Variants in PTGFR observed in about 807,000 individuals in gnomAD.
PTGFR encodes the protein prostaglandin F receptor.
In PTGFR, 15 loss-of-function variants were observed where a neutral mutation model predicts 26.2. That is an observed-to-expected ratio of 0.57 (90% confidence interval 0.38 to 0.88). The LOEUF (loss-of-function observed/expected upper bound fraction) is 0.88. Ranked by LOEUF, PTGFR falls within the 40% of genes least tolerant of loss-of-function variation. The probability of loss-of-function intolerance (pLI) is 0.00; values close to 1 mark genes in which losing one functional copy is unlikely to be tolerated. For missense variants in PTGFR, 369 were observed against 427.2 expected (o/e 0.86, Z 1.20); for synonymous variants, 165 against 151.1 (o/e 1.09, Z -0.68).
intron 2 of PTGFR, among the ~76,000 whole-genome samples, chr1:78,507,929 C>A (rs1463132270): frequency 6.6e-6 from 1 of 152,150 alleles, no homozygotes; most frequent in Non-Finnish European, 1.5e-5. Context: ...AAAGACCTTG[C>A]TGACTTTATT....
At chr1:78,510,096 C>A (rs1649928775) in intron 2 of PTGFR, among the ~76,000 whole-genome samples, 1 of 152,156 alleles carries the variant, frequency 6.6e-6, no homozygotes, top group South Asian at 2.1e-4. Flanking sequence ...CACAGTGATG[C>A]CTCTGAAAGA....
At chr1:78,527,462 G>C (rs1170897233) in intron 2 of PTGFR, among the ~76,000 whole-genome samples, 3 of 151,914 alleles carry the variant, frequency 2.0e-5, no homozygotes, top group Non-Finnish European at 4.4e-5. Flanking sequence ...GGGAAGTAAT[G>C]ATTAATGAAG....
chr1:78,496,502 A>T (rs1649555841), intron 2 of PTGFR, among the ~76,000 whole-genome samples: 1 of 152,098 alleles, frequency 6.6e-6, no homozygotes, highest in Non-Finnish European at 1.5e-5. Context: ...TTGAATGAAC[A>T]TCTGCACACA....
At chr1:78,514,844 A>G (rs938111423) in intron 2 of PTGFR, among the ~76,000 whole-genome samples, 4 of 152,052 alleles carry the variant, frequency 2.6e-5, no homozygotes, top group African/African-American at 9.7e-5. Flanking sequence ...CCGGTTGTTT[A>G]AAGAGTCTGG....
chr1:78,518,335 A>G (rs1281530030), intron 2 of PTGFR, among the ~76,000 whole-genome samples: 1 of 151,400 alleles, frequency 6.6e-6, no homozygotes, highest in Non-Finnish European at 1.5e-5. Flanking sequence ...ATGTATCTAC[A>G]TTTTTCTTTT....
At chr1:78,534,681 C>G (rs540040865) in intron 2 of PTGFR, among the ~76,000 whole-genome samples, 8 of 149,406 alleles carry the variant, frequency 5.4e-5, no homozygotes, top group Non-Finnish European at 1.0e-4. Flanking sequence ...TTTCTATGAA[C>G]AAAATTACAT....
chr1:78,533,300 T>A (rs1650566905), intron 2 of PTGFR, among the ~76,000 whole-genome samples: 1 of 152,180 alleles, frequency 6.6e-6, no homozygotes, highest in South Asian at 2.1e-4. Flanking sequence ...CTCATACAGC[T>A]CAAATGGAAA....
chr1:78,513,920 T>C (rs1650031293), intron 2 of PTGFR, among the ~76,000 whole-genome samples: 1 of 152,246 alleles, frequency 6.6e-6, no homozygotes, highest in African/African-American at 2.4e-5. Flanking sequence ...ATCTTCCGTA[T>C]GGTGTTAAGC....
chr1:78,492,819 A>G lies in PTGFR; in HGVS notation c.76A>G (p.Asn26Asp). 6.2e-7 allele frequency: 1 copy of G among 1,614,230 alleles called. No homozygotes were observed. The highest frequency in any genetic ancestry group is 8.5e-7 in the Non-Finnish European group (1 of 1,180,040). Reference sequence around the variant, plus strand: ...TTCAAACACAACCTGCCAGACGGAAAACCGGCTTTCCGTATTTTTTTCAGT... The same window carrying G: ...TTCAAACACAACCTGCCAGACGGAAGACCGGCTTTCCGTATTTTTTTCAGT... ...LLSNTTCQTE[N>D]RLSVFFSVIF... The change falls in exon 2 of 3, where the codon AAC (asparagine) becomes GAC (aspartate). Residue 26 changes from asparagine (N) to aspartate (D), a missense_variant. Asn to Asp is a conservative substitution (Grantham distance 23). Transcript: ENST00000370757.
intron 2 of PTGFR, among the ~76,000 whole-genome samples, chr1:78,520,430 C>T (rs1650195526): frequency 6.6e-6 from 1 of 151,742 alleles, no homozygotes; most frequent in Non-Finnish European, 1.5e-5. Context: ...TACCACAAAA[C>T]TTGGTAGCTT....
intron 2 of PTGFR, chr1:78,532,093 A>C (rs535491325): frequency 5.8e-5 from 19 of 328,546 alleles, no homozygotes; most frequent in East Asian, 4.1e-4. Flanking sequence ...GGAACATGGC[A>C]TGTTTTTGGC....
At chr1:78,532,544 G>T (rs1650546335) in intron 2 of PTGFR, among the ~76,000 whole-genome samples, 1 of 148,288 alleles carries the variant, frequency 6.7e-6, no homozygotes, top group Non-Finnish European at 1.5e-5. Flanking sequence ...GTATATATGT[G>T]TGTATATATA....
intron 2 of PTGFR, among the ~76,000 whole-genome samples, chr1:78,514,530 G>A (rs556900745): frequency 5.0e-4 from 76 of 152,170 alleles, no homozygotes; most frequent in African/African-American, 1.7e-3. Flanking sequence ...TAATTTTATA[G>A]GTGAAAGAAA....
chr1:78,510,907 C>A (rs1174818594), intron 2 of PTGFR, among the ~76,000 whole-genome samples: 1 of 152,200 alleles, frequency 6.6e-6, no homozygotes, highest in Non-Finnish European at 1.5e-5. Context: ...AGGCCCCACA[C>A]AAGTCCAAAA....
intron 2 of PTGFR, among the ~76,000 whole-genome samples, chr1:78,502,098 T>C (rs140759752): frequency 2.0e-5 from 3 of 152,282 alleles, no homozygotes; most frequent in South Asian, 2.1e-4. Context: ...ACATTTCCAC[T>C]CCAAGTTTCA....
intron 2 of PTGFR, among the ~76,000 whole-genome samples, chr1:78,520,407 G>A (rs777612410): frequency 6.6e-6 from 1 of 151,910 alleles, no homozygotes; most frequent in Non-Finnish European, 1.5e-5. Context: ...TGGCTTTGTG[G>A]CATTGGAAAT....
intron 2 of PTGFR, among the ~76,000 whole-genome samples, chr1:78,503,446 CA>C (rs1465174791): frequency 6.6e-6 from 1 of 151,848 alleles, no homozygotes; most frequent in Non-Finnish European, 1.5e-5. Flanking sequence ...AGGAAGGAAA[CA>C]AAAAAAGTTC....
At chr1:78,516,357 T>G (rs954723217) in intron 2 of PTGFR, among the ~76,000 whole-genome samples, 6 of 152,194 alleles carry the variant, frequency 3.9e-5, no homozygotes, top group Non-Finnish European at 7.3e-5. Flanking sequence ...TTAGTTAAAA[T>G]TGTCTTCAGA....
intron 2 of PTGFR, among the ~76,000 whole-genome samples, chr1:78,515,207 A>G (rs995304940): frequency 5.9e-5 from 9 of 152,184 alleles, no homozygotes; most frequent in African/African-American, 2.2e-4. Context: ...ATGTGTGGGA[A>G]ACAGTCAGGA....
Sources: gnomAD v4.1 joint callset for allele counts (sites outside exome capture counted in the v4.1 genomes callset) on GRCh38, gnomAD v4.1.1 for gene constraint, MANE v1.5 for transcripts, NCBI Gene and HGNC (gene_info 2026-07-23, HGNC 2026-07-21) for gene names.